Variants in SLC25A21 observed in about 807,000 individuals in gnomAD.
SLC25A21 encodes mitochondrial 2-oxodicarboxylate carrier.
In SLC25A21, 47 loss-of-function variants were observed where a neutral mutation model predicts 43.8. The ratio of observed to expected loss-of-function variants is 1.07; its 90% CI spans 0.85 to 1.37. The LOEUF (loss-of-function observed/expected upper bound fraction) is 1.37, where lower values mean the gene tolerates loss of function less well. Among genes scored for constraint, SLC25A21 ranks in the 40% most tolerant of loss-of-function variants. The pLI is 0.00. For synonymous variants in SLC25A21, 131 were observed against 121.3 expected (o/e 1.08, Z -0.52); for missense variants, 352 against 350.2 (o/e 1.00, Z -0.04).
intron 3 of SLC25A21, among the ~76,000 whole-genome samples, chr14:36,776,238 C>CTTTTTTTTTTTT (rs35856297): frequency 2.2e-5 from 2 of 89,902 alleles, no homozygotes; most frequent in African/African-American, 1.0e-4. Context: ...TTCTTTCTTT[C>CTTTTTTTTTTTT]TTTTTTTTTT....
intron 6 of SLC25A21, among the ~76,000 whole-genome samples, chr14:36,712,649 T>C (rs1298705711): frequency 6.6e-6 from 1 of 152,182 alleles, no homozygotes; most frequent in Non-Finnish European, 1.5e-5. Flanking sequence ...CTAGCTACAA[T>C]TCTACACTCA....
At chr14:36,976,747 G>A (rs1959882366) in intron 1 of SLC25A21, among the ~76,000 whole-genome samples, 1 of 152,180 alleles carries the variant, frequency 6.6e-6, no homozygotes, top group South Asian at 2.1e-4. Context: ...ACCTCGGAAG[G>A]AACCAAGTGT....
chr14:36,699,582 G>C (rs186566728), intron 7 of SLC25A21, among the ~76,000 whole-genome samples: 6 of 152,304 alleles, frequency 3.9e-5, no homozygotes, highest in Middle Eastern at 3.4e-3. Flanking sequence ...AGGAGGCCTC[G>C]TTGAGCTGTG....
At chr14:37,121,775 C>A (rs888456756) in intron 1 of SLC25A21, among the ~76,000 whole-genome samples, 10 of 143,094 alleles carry the variant, frequency 7.0e-5, no homozygotes, top group African/African-American at 2.6e-4. Flanking sequence ...AGCGACGGAA[C>A]GAGACTCCAT....
intron 1 of SLC25A21, among the ~76,000 whole-genome samples, chr14:36,894,339 T>G (rs891644546): frequency 6.6e-6 from 1 of 152,118 alleles, no homozygotes; most frequent in East Asian, 1.9e-4. Flanking sequence ...GGCTCTCTGT[T>G]TGTTGGTTAT....
chr14:36,693,761 G>C (rs1453671874), intron 7 of SLC25A21, among the ~76,000 whole-genome samples: 1 of 151,990 alleles, frequency 6.6e-6, no homozygotes, highest in Non-Finnish European at 1.5e-5. Flanking sequence ...AGCTTCCCGA[G>C]TAGCTGGACT....
At chr14:36,751,352 A>AT (rs1885702575) in intron 3 of SLC25A21, among the ~76,000 whole-genome samples, 1 of 152,228 alleles carries the variant, frequency 6.6e-6, no homozygotes, top group Non-Finnish European at 1.5e-5. Flanking sequence ...GAGCTGAAGA[A>AT]TGTAGGAAAA....
At chr14:36,937,992 A>C (rs1340481756) in intron 1 of SLC25A21, among the ~76,000 whole-genome samples, 1 of 152,172 alleles carries the variant, frequency 6.6e-6, no homozygotes, top group Non-Finnish European at 1.5e-5. Context: ...TCTGGAGAGA[A>C]GAACAACTTT....
At chr14:36,714,123 C>A (rs1341653931) in intron 6 of SLC25A21, among the ~76,000 whole-genome samples, 1 of 152,206 alleles carries the variant, frequency 6.6e-6, no homozygotes, top group Non-Finnish European at 1.5e-5. Context: ...ATTCACTATA[C>A]ATTTAGGTGT....
chr14:37,073,898 G>A (rs1437076054), intron 1 of SLC25A21, among the ~76,000 whole-genome samples: 2 of 151,046 alleles, frequency 1.3e-5, no homozygotes, highest in Non-Finnish European at 1.5e-5. Context: ...TATCTATAGT[G>A]TCCAAAATGC....
intron 1 of SLC25A21, among the ~76,000 whole-genome samples, chr14:37,012,458 T>C (rs999562816): frequency 1.3e-5 from 2 of 152,158 alleles, no homozygotes. Context: ...GAAGCTGAAT[T>C]GTATGTCTGA....
intron 1 of SLC25A21, among the ~76,000 whole-genome samples, chr14:36,939,817 G>C (rs1226026966): frequency 6.6e-6 from 1 of 152,074 alleles, no homozygotes; most frequent in East Asian, 1.9e-4. Context: ...AGAACCACTT[G>C]AGCAAAATCA....
At chr14:37,133,143 G>GCACACACACACACACA (rs33962615) in intron 1 of SLC25A21, among the ~76,000 whole-genome samples, 88 of 148,076 alleles carry the variant, frequency 5.9e-4, no homozygotes, top group African/African-American at 2.1e-3. Context: ...GTGCACTCGT[G>GCACACACACACACACA]CACACACACA....
intron 3 of SLC25A21, among the ~76,000 whole-genome samples, chr14:36,749,096 A>G (rs189262630): frequency 5.3e-5 from 8 of 152,276 alleles, no homozygotes; most frequent in Non-Finnish European, 1.0e-4. Flanking sequence ...ATGCCAAACT[A>G]TAACCAATCT....
chr14:36,813,054 A>G (rs1355441133), intron 3 of SLC25A21, among the ~76,000 whole-genome samples: 1 of 152,184 alleles, frequency 6.6e-6, no homozygotes, highest in Non-Finnish European at 1.5e-5. Flanking sequence ...TATTCTTTGA[A>G]AAATTATACT....
intron 1 of SLC25A21, among the ~76,000 whole-genome samples, chr14:36,977,313 T>C (rs1366635367): frequency 6.6e-6 from 1 of 152,212 alleles, no homozygotes; most frequent in East Asian, 1.9e-4. Context: ...ACTTATTGCA[T>C]TGACCAGAGA....
intron 2 of SLC25A21, among the ~76,000 whole-genome samples, chr14:36,820,118 A>T (rs1256441728): frequency 2.6e-5 from 4 of 152,132 alleles, no homozygotes; most frequent in African/African-American, 9.7e-5. Context: ...CACTGCCACC[A>T]ATCCCTAAGC....
chr14:36,738,546 G>A (rs747736127), intron 3 of SLC25A21, among the ~76,000 whole-genome samples: 10 of 152,152 alleles, frequency 6.6e-5, no homozygotes, highest in South Asian at 2.1e-4. Flanking sequence ...GATTCTAAAC[G>A]TTTATGTACA....
In SLC25A21 at chr14:36,927,969, G is replaced by A. The variant is rs542485909; in HGVS notation, c.71-52965C>T. Among the ~76,000 whole-genome samples the A allele has an allele frequency of 9.2e-5, 14 of 152,224 alleles. No individual in the cohort carries two copies. In the South Asian group the frequency reaches 2.9e-3, roughly 32 times the overall value. On this transcript the variant is annotated intron_variant, in intron 1 of 9. Transcript: ENST00000331299. ...CTGGCCCTCATTAGGAATTCCTGGT[G>A]TCTAGCATACAACCGAGGCAGTGGT... is the stretch of plus-strand genomic sequence containing the variant.
Sources: gnomAD v4.1 joint callset for allele counts (sites outside exome capture counted in the v4.1 genomes callset) on GRCh38, gnomAD v4.1.1 for gene constraint, MANE v1.5 for transcripts, NCBI Gene and HGNC (gene_info 2026-07-23, HGNC 2026-07-21) for gene names.